Variants in TMEM232 observed in about 807,000 individuals in gnomAD.
The protein encoded by TMEM232 is transmembrane protein 232.
TMEM232 carries 80 observed loss-of-function variants against 78.8 expected under a neutral mutation model. That is an observed-to-expected ratio of 1.01 (90% CI 0.85 to 1.22). The LOEUF is 1.22. Among genes scored for constraint, TMEM232 ranks in the 50% most tolerant of loss-of-function variants. The pLI, the probability that TMEM232 is intolerant of heterozygous loss-of-function variation, is 0.00. For synonymous variants in TMEM232, 297 were observed against 254.3 expected (o/e 1.17, Z -1.60); for missense variants, 881 against 742.2 (o/e 1.19, Z -2.17).
At chr5:110,644,213 G>T (rs1580477422) in intron 2 of TMEM232, among the ~76,000 whole-genome samples, 1 of 151,770 alleles carries the variant, frequency 6.6e-6, no homozygotes, top group Non-Finnish European at 1.5e-5. Context: ...GTGAACACTG[G>T]CTGAAAATTG....
intron 13 of TMEM232, among the ~76,000 whole-genome samples, chr5:110,423,310 C>T (rs577310732): frequency 6.8e-4 from 104 of 152,194 alleles, no homozygotes; most frequent in African/African-American, 2.3e-3. Flanking sequence ...GAATTGTAAG[C>T]AAGTTTGTTC....
intron 2 of TMEM232, among the ~76,000 whole-genome samples, chr5:110,408,612 C>T (rs975098405): frequency 2.0e-5 from 3 of 150,916 alleles, no homozygotes; most frequent in African/African-American, 4.9e-5. Flanking sequence ...AAAACAGAGA[C>T]CCAAAAAAAC....
chr5:110,637,558 T>C (rs570379236), intron 5 of TMEM232, among the ~76,000 whole-genome samples: 2 of 151,014 alleles, frequency 1.3e-5, no homozygotes, highest in East Asian at 1.9e-4. Flanking sequence ...CATTCATATA[T>C]ATATGAACAT....
At chr5:110,425,421 C>A (rs1368958728) in intron 12 of TMEM232, among the ~76,000 whole-genome samples, 1 of 151,860 alleles carries the variant, frequency 6.6e-6, no homozygotes, top group Non-Finnish European at 1.5e-5. Flanking sequence ...TTGTGTGAAT[C>A]CAGGAACACT....
chr5:110,465,961 C>A (rs924990792), intron 12 of TMEM232, among the ~76,000 whole-genome samples: 2 of 152,106 alleles, frequency 1.3e-5, no homozygotes, highest in South Asian at 4.1e-4. Flanking sequence ...TACATTCATT[C>A]TAGATACATT....
At chr5:110,549,377 G>T (rs1204618110) in intron 11 of TMEM232, among the ~76,000 whole-genome samples, 2 of 151,890 alleles carry the variant, frequency 1.3e-5, no homozygotes, top group African/African-American at 2.4e-5. Context: ...TGTTTTGAGG[G>T]GCTGAGGTGG....
intron 5 of TMEM232, among the ~76,000 whole-genome samples, chr5:110,630,161 G>C (rs1320746930): frequency 6.6e-6 from 1 of 152,140 alleles, no homozygotes; most frequent in Non-Finnish European, 1.5e-5. Context: ...TACTTATAGA[G>C]CATGCTTATT....
intron 2 of TMEM232, among the ~76,000 whole-genome samples, chr5:110,399,603 G>A (rs1006303719): frequency 2.6e-5 from 4 of 151,968 alleles, no homozygotes; most frequent in African/African-American, 9.7e-5. Flanking sequence ...AAATCATCAT[G>A]TGTCTGTCAC....
intron 12 of TMEM232, among the ~76,000 whole-genome samples, chr5:110,513,376 C>A (rs894107766): frequency 6.6e-6 from 1 of 152,050 alleles, no homozygotes; most frequent in Non-Finnish European, 1.5e-5. Flanking sequence ...CAGAAAATAA[C>A]TGGAAACCAT....
At chr5:110,567,689 C>T (rs1056812180) in intron 11 of TMEM232, among the ~76,000 whole-genome samples, 1 of 151,782 alleles carries the variant, frequency 6.6e-6, no homozygotes, top group African/African-American at 2.4e-5. Context: ...GAACTTTTAC[C>T]TTTACCTATT....
intron 12 of TMEM232, among the ~76,000 whole-genome samples, chr5:110,487,368 G>C (rs1410517733): frequency 6.6e-6 from 1 of 152,022 alleles, no homozygotes; most frequent in Non-Finnish European, 1.5e-5. Context: ...TGGTGAGAGT[G>C]GGCATCCTTG....
chr5:110,435,387 G>C (rs1288316120), intron 12 of TMEM232, among the ~76,000 whole-genome samples: 1 of 151,724 alleles, frequency 6.6e-6, no homozygotes, highest in East Asian at 1.9e-4. Flanking sequence ...TATGGTACAT[G>C]AGATATTTTG....
rs1755455725 is a variant in TMEM232, at chr5:110,398,058, A to C, written n.309-204T>G. ...TAAAATTCACAAACTATCTCCAAGC[A>C]TCTTATTAACTCAGTTTTCAAATTA... On this transcript the variant is annotated intron_variant and non_coding_transcript_variant, in intron 2 of 8. Transcript: ENST00000507188. Among the ~76,000 whole-genome samples the C allele has an allele frequency of 2.6e-5, 4 of 152,238 alleles. No homozygotes were observed. In the South Asian group the frequency reaches 8.3e-4, roughly 32 times the overall value.
intron 2 of TMEM232, among the ~76,000 whole-genome samples, chr5:110,661,597 G>C (rs980782087): frequency 5.9e-5 from 9 of 152,124 alleles, no homozygotes; most frequent in Non-Finnish European, 1.3e-4. Context: ...CAGGTGCCCA[G>C]CACTCCACCA....
intron 1 of TMEM232, among the ~76,000 whole-genome samples, chr5:110,722,223 G>A (rs1797719066): frequency 6.6e-6 from 1 of 152,142 alleles, no homozygotes; most frequent in Non-Finnish European, 1.5e-5. Context: ...CTTGGCTGTT[G>A]TATTAATTAT....
intron 1 of TMEM232, among the ~76,000 whole-genome samples, chr5:110,735,705 G>A (rs1053430342): frequency 4.6e-5 from 7 of 152,106 alleles, no homozygotes; most frequent in African/African-American, 7.2e-5. Context: ...GGTCATAAAC[G>A]ACATTGTGTT....
intron 1 of TMEM232, among the ~76,000 whole-genome samples, chr5:110,691,423 G>T (rs1364665046): frequency 1.3e-5 from 2 of 152,168 alleles, no homozygotes; most frequent in African/African-American, 4.8e-5. Context: ...CTACAAAAGG[G>T]ATGTAATTGT....
chr5:110,425,105 A>G (rs1246774710), intron 12 of TMEM232, among the ~76,000 whole-genome samples, 189 bp from the exon 13 acceptor site: 3 of 152,124 alleles, frequency 2.0e-5, no homozygotes, highest in African/African-American at 7.2e-5. Context: ...ACTGAAACTG[A>G]TAATTTTGAG....
intron 2 of TMEM232, among the ~76,000 whole-genome samples, chr5:110,409,711 C>T (rs1461393417): frequency 6.7e-6 from 1 of 150,252 alleles, no homozygotes; most frequent in Admixed American, 6.6e-5. Flanking sequence ...TTTTTTTTTT[C>T]AGGGTTGGGA....
Sources: gnomAD v4.1 joint callset for allele counts (sites outside exome capture counted in the v4.1 genomes callset) on GRCh38, gnomAD v4.1.1 for gene constraint, MANE v1.5 for transcripts, NCBI Gene and HGNC (gene_info 2026-07-23, HGNC 2026-07-21) for gene names.